FAM120A: variants seen among roughly 807,000 people sequenced by gnomAD.
FAM120A encodes family with sequence similarity 120 member A.
FAM120A carries 15 observed loss-of-function variants against 109.7 expected under a neutral mutation model. That is an observed-to-expected ratio of 0.14 (90% confidence interval 0.09 to 0.21). The LOEUF is 0.21. Among genes scored for constraint, FAM120A ranks in the 10% least tolerant of loss-of-function variants. The pLI is 1.00. For missense variants in FAM120A, 899 were observed against 1,439.3 expected (o/e 0.62, Z 6.07); for synonymous variants, 493 against 572.8 (o/e 0.86, Z 1.99).
Position 93,516,305 on chromosome 9 carries a change from G to A in FAM120A, c.1418+36G>A, listed in dbSNP as rs536812842. On this transcript the variant is annotated intron_variant, in intron 7 of 17. Transcript: ENST00000277165. The stretch of plus-strand genomic sequence containing the variant: ...CGTGGGTCGCTGGGTGCTTCCTGGC[G>A]GGTAGTGACCTGGGGAAGCTGCCTT... The A allele has an allele frequency of 2.8e-5, 44 of 1,597,142 alleles. No homozygotes were observed. The Middle Eastern group carries it at 6.8e-4, about 25-fold the overall frequency.
chr9:93,516,343 C>T (rs1199638642), intron 7 of FAM120A, 74 bp downstream of exon 7: 1 of 1,580,916 alleles, frequency 6.3e-7, no homozygotes, highest in African/African-American at 1.3e-5. Context: ...GGCCTGCCAG[C>T]CCAGCTGGTG....
intron 3 of FAM120A, among the ~76,000 whole-genome samples, chr9:93,480,195 A>G (rs1858734511): frequency 6.6e-6 from 1 of 152,254 alleles, no homozygotes; most frequent in East Asian, 1.9e-4. Flanking sequence ...GTTTAGATGC[A>G]AAGACTACTT....
chr9:93,541,560 A>G (rs1446851238), intron 10 of FAM120A, among the ~76,000 whole-genome samples: 1 of 152,214 alleles, frequency 6.6e-6, no homozygotes, highest in African/African-American at 2.4e-5. Flanking sequence ...ATATACATGT[A>G]TGTCTGTTTT....
intron 8 of FAM120A, among the ~76,000 whole-genome samples, chr9:93,528,735 C>T (rs1861198023): frequency 6.6e-6 from 1 of 152,048 alleles, no homozygotes; most frequent in African/African-American, 2.4e-5. Flanking sequence ...GTTTTTGGGG[C>T]TTTTGGTTTA....
rs145043278 is a variant in FAM120A at position 93,545,942 on chromosome 9, G to A, written c.2159+2471G>A. Among the ~76,000 whole-genome samples, 314 of 151,478 alleles carry A rather than the reference G, an allele frequency of 2.1e-3. 2 individuals are homozygous for A. Among genetic ancestry groups the A allele is most frequent in the African/African-American group, 7.0e-3 (290 of 41,302 alleles). On this transcript the variant is annotated intron_variant, in intron 11 of 17. Coordinates refer to ENST00000277165, the MANE Select transcript of FAM120A (RefSeq NM_014612.5). ...CTGGATTACAGGCATGCGCCACCAC[G>A]CCCGGCTAATTTTTTGTATTTTTCG...
intron 13 of FAM120A, among the ~76,000 whole-genome samples, chr9:93,557,573 G>A (rs1862328733): frequency 6.6e-6 from 1 of 152,214 alleles, no homozygotes; most frequent in African/African-American, 2.4e-5. Flanking sequence ...GACCTCAGCT[G>A]GGGTCAGTGC....
chr9:93,472,718 A>G (rs1858362089), intron 2 of FAM120A, among the ~76,000 whole-genome samples: 1 of 152,262 alleles, frequency 6.6e-6, no homozygotes, highest in Non-Finnish European at 1.5e-5. Flanking sequence ...TAGAAATTGT[A>G]AGGAGTCACA....
chr9:93,489,006 G>A (rs1413268236), intron 3 of FAM120A, among the ~76,000 whole-genome samples: 7 of 107,842 alleles, frequency 6.5e-5, no homozygotes, highest in Non-Finnish European at 1.0e-4. Flanking sequence ...CCATGTATCT[G>A]TTAAAAAAAA....
At chr9:93,493,745 C>T (rs1457423746) in intron 3 of FAM120A, among the ~76,000 whole-genome samples, 1 of 152,226 alleles carries the variant, frequency 6.6e-6, no homozygotes, top group East Asian at 1.9e-4. Context: ...CCAGTGTCCT[C>T]CTGGGGGCTT....
intron 3 of FAM120A, among the ~76,000 whole-genome samples, chr9:93,487,537 T>C (rs1588828265): frequency 6.6e-6 from 1 of 152,340 alleles, no homozygotes; most frequent in East Asian, 1.9e-4. Flanking sequence ...ATACTATTAA[T>C]CTTTGCAATA....
At chr9:93,510,742 G>A (rs531407838) in intron 5 of FAM120A, among the ~76,000 whole-genome samples, 2 of 152,040 alleles carry the variant, frequency 1.3e-5, no homozygotes, top group East Asian at 3.9e-4. Flanking sequence ...ATGAGCCACC[G>A]TAACCAGCCT....
chr9:93,472,041 C>T (rs552894573), intron 2 of FAM120A, among the ~76,000 whole-genome samples: 20 of 152,194 alleles, frequency 1.3e-4, no homozygotes, highest in Non-Finnish European at 2.8e-4. Context: ...GGGCAGCTCA[C>T]CTGAGGTCAG....
intron 1 of FAM120A, among the ~76,000 whole-genome samples, chr9:93,463,547 G>A: frequency 6.6e-6 from 1 of 152,102 alleles, no homozygotes; most frequent in East Asian, 1.9e-4. Flanking sequence ...TTCTTCAGTT[G>A]GACTAGAGTA....
At chr9:93,482,556 A>G (rs980553761) in intron 3 of FAM120A, among the ~76,000 whole-genome samples, 1 of 151,974 alleles carries the variant, frequency 6.6e-6, no homozygotes, top group Non-Finnish European at 1.5e-5. Flanking sequence ...GTCTTCAACC[A>G]GAAGTCATTG....
intron 15 of FAM120A, among the ~76,000 whole-genome samples, chr9:93,560,104 G>T (rs1862420023): frequency 6.6e-6 from 1 of 152,096 alleles, no homozygotes; most frequent in Admixed American, 6.6e-5. Flanking sequence ...ACCAGCCTGG[G>T]CAATATAGTG....
chr9:93,521,145 G>T (rs1860829749), intron 7 of FAM120A, among the ~76,000 whole-genome samples: 1 of 152,142 alleles, frequency 6.6e-6, no homozygotes, highest in Non-Finnish European at 1.5e-5. Flanking sequence ...CCTGCCCGAT[G>T]TATTTTTCCA....
At chr9:93,559,635 A>G (rs1327352350) in intron 15 of FAM120A, among the ~76,000 whole-genome samples, 1 of 151,994 alleles carries the variant, frequency 6.6e-6, no homozygotes. Context: ...GCAGTGTGCT[A>G]CTCTGCTCTG....
chr9:93,562,357 C>T, intron 17 of FAM120A, 53 bp downstream of exon 17: 1 of 1,398,762 alleles, frequency 7.1e-7, no homozygotes, highest in South Asian at 1.2e-5. Context: ...GGGATGTCTC[C>T]TGTCTGAGCT....
intron 2 of FAM120A, among the ~76,000 whole-genome samples, chr9:93,472,471 G>A (rs1858353007): frequency 6.6e-6 from 1 of 152,188 alleles, no homozygotes; most frequent in Non-Finnish European, 1.5e-5. Context: ...AGGCACTCCT[G>A]TGATTAGAAT....
Sources: gnomAD v4.1 joint callset for allele counts (sites outside exome capture counted in the v4.1 genomes callset) on GRCh38, gnomAD v4.1.1 for gene constraint, MANE v1.5 for transcripts, NCBI Gene and HGNC (gene_info 2026-07-23, HGNC 2026-07-21) for gene names.